The following RAC2 variants were observed in gnomAD, a reference collection of about 807,000 sequenced individuals.
RAC2 encodes the protein Rac family small GTPase 2.
A neutral mutation model predicts 24.0 loss-of-function variants in RAC2; 1 was observed. That is an observed-to-expected ratio of 0.04 (90% confidence interval 0.01 to 0.20). The LOEUF (loss-of-function observed/expected upper bound fraction) is 0.20, where lower values mean the gene tolerates loss of function less well. Among genes scored for constraint, RAC2 ranks in the 10% least tolerant of loss-of-function variants. The pLI, the probability that RAC2 is intolerant of heterozygous loss-of-function variation, is 1.00. For synonymous variants in RAC2, 114 were observed against 106.8 expected (o/e 1.07, Z -0.41); for missense variants, 130 against 259.1 (o/e 0.50, Z 3.42).
In RAC2 at chr22:37,232,932, G is replaced by A; in HGVS notation, c.108-14C>T. 1 of 1,592,978 alleles carries A rather than the reference G, an allele frequency of 6.3e-7. No homozygotes were observed. Reference sequence around the variant, plus strand: ...TAGTTGTCAAACCTGTGGGGAGCAGGCAAGGCGGAGGTAAGGTCAATCTCA... The same window carrying A: ...TAGTTGTCAAACCTGTGGGGAGCAGACAAGGCGGAGGTAAGGTCAATCTCA... On this transcript the variant is annotated splice_polypyrimidine_tract_variant and intron_variant, in intron 2 of 6. Coordinates refer to ENST00000249071, the MANE Select transcript of RAC2 (RefSeq NM_002872.5).
Position 37,226,738 on chromosome 22 carries a change from C to A in RAC2, c.514G>T (p.Ala172Ser). ...TGAGGGCACAGCACGGCCCGGATGG[C>A]CTCGTCGAACACGGTTTTCAGGCCT... ...QRGLKTVFDEAIRAVLCPQPT... is the reference protein window; with the variant it reads ...QRGLKTVFDESIRAVLCPQPT... The change falls in exon 6 of 7, where the codon GCC becomes TCC. Residue 172 changes from alanine (A) to serine (S), a missense_variant. Physicochemically the swap from Ala to Ser is moderately conservative, Grantham distance 99. Transcript: ENST00000249071. 3.7e-6 allele frequency: 6 copies of A among 1,613,156 alleles called. No homozygotes were observed. The highest frequency in any genetic ancestry group is 4.2e-6 in the Non-Finnish European group (5 of 1,179,586).
intron 5 of RAC2, among the ~76,000 whole-genome samples, chr22:37,228,283 C>T (rs1469265007): frequency 6.6e-6 from 1 of 152,232 alleles, no homozygotes; most frequent in Non-Finnish European, 1.5e-5. Context: ...GAGGCCCAGC[C>T]TTCTCCCACA....
intron 2 of RAC2, among the ~76,000 whole-genome samples, chr22:37,238,682 CG>C (rs1438429291): frequency 6.6e-6 from 1 of 152,230 alleles, no homozygotes; most frequent in Admixed American, 6.5e-5. Context: ...ACACCTAGCA[CG>C]GGGCCATCCA....
At chr22:37,243,066 A>G (rs1466862036) in intron 1 of RAC2, among the ~76,000 whole-genome samples, 2 of 152,168 alleles carry the variant, frequency 1.3e-5, no homozygotes, top group African/African-American at 2.4e-5. Context: ...TGGCACCATT[A>G]TAGCTCACTG....
chr22:37,237,938 C>T (rs553236379), intron 2 of RAC2, among the ~76,000 whole-genome samples: 274 of 151,232 alleles, frequency 1.8e-3, no homozygotes, highest in African/African-American at 6.4e-3. Flanking sequence ...AGGTTGGAGA[C>T]GGGGGGCTGC....
chr22:37,243,933 C>G (rs1353114438), intron 1 of RAC2, among the ~76,000 whole-genome samples, 181 bp downstream of exon 1: 1 of 152,060 alleles, frequency 6.6e-6, no homozygotes, highest in Non-Finnish European at 1.5e-5. Flanking sequence ...GAGGGTGAAG[C>G]TCCCCTCAGC....
chr22:37,234,157 A>G (rs1307001332), intron 2 of RAC2, among the ~76,000 whole-genome samples: 1 of 152,356 alleles, frequency 6.6e-6, no homozygotes, highest in East Asian at 1.9e-4. Context: ...CAAGGAGTAC[A>G]TGCCTGATCC....
chr22:37,236,542 C>T (rs1004873982), intron 2 of RAC2, among the ~76,000 whole-genome samples: 19 of 152,228 alleles, frequency 1.2e-4, no homozygotes, highest in African/African-American at 4.3e-4. Context: ...TGGTAAGCAT[C>T]GCTGCTATTT....
chr22:37,229,522 T>A (rs1383797600), intron 5 of RAC2, among the ~76,000 whole-genome samples: 1 of 152,204 alleles, frequency 6.6e-6, no homozygotes, highest in Non-Finnish European at 1.5e-5. Flanking sequence ...CCACATCAGC[T>A]GTGATTATCA....
intron 1 of RAC2, among the ~76,000 whole-genome samples, chr22:37,242,563 C>T (rs940901748): frequency 5.9e-5 from 9 of 152,192 alleles, no homozygotes; most frequent in Non-Finnish European, 1.2e-4. Context: ...GGTTTTGTCA[C>T]TTCCTGCTCA....
At chr22:37,227,527 C>T (rs182959362) in intron 5 of RAC2, among the ~76,000 whole-genome samples, 9 of 88,716 alleles carry the variant, frequency 1.0e-4, no homozygotes, top group South Asian at 3.8e-4. Context: ...ACCCCTCCCA[C>T]GCCATACACC....
intron 2 of RAC2, among the ~76,000 whole-genome samples, chr22:37,237,399 G>A (rs1167958626): frequency 6.6e-6 from 1 of 152,112 alleles, no homozygotes; most frequent in Non-Finnish European, 1.5e-5. Context: ...AGGTGGAGCA[G>A]GAGGGAACAG....
chr22:37,239,388 A>G (rs4821614), intron 2 of RAC2, among the ~76,000 whole-genome samples: 62,428 of 152,064 alleles, frequency 0.41, 13,239 homozygotes, highest in African/African-American at 0.51. Flanking sequence ...CCACACGCAT[A>G]GAGCTGGCCC....
Position 37,244,257 on chromosome 22 carries a change from G to A in RAC2, c.-109C>T, listed in dbSNP as rs1927497969. ...GAGGCGCCTGCTGAGGAGCAGCGGT[G>A]GTGGGGCAGGAGGAAACGGAAGGGG... On this transcript the variant is annotated 5_prime_UTR_variant, in exon 1 of 7. Transcript: ENST00000249071. 3.9e-6 allele frequency: 5 copies of A among 1,265,882 alleles called. No homozygotes were observed. The highest frequency in any genetic ancestry group is 5.6e-6 in the Non-Finnish European group (5 of 888,028). The allele number at this position is 1,265,882 out of a possible 1,614,324, so 78.4% of individuals were successfully genotyped here.
rs577739507 is a variant in RAC2 at position 37,239,364 on chromosome 22, A to C, written c.107+2223T>G. ...CCCTTCTGAGCATGGGGCCCTGTGC[A>C]ATTGGATAGGTGGCCACACGCATAG... On this transcript the variant is annotated intron_variant, in intron 2 of 6. Coordinates refer to ENST00000249071, the MANE Select transcript of RAC2 (RefSeq NM_002872.5). Among the ~76,000 whole-genome samples the C allele has an allele frequency of 3.9e-5, 6 of 152,352 alleles. No individual in the cohort carries two copies. The South Asian group carries it at 1.0e-3, about 26-fold the overall frequency.
In RAC2 at chr22:37,226,717, G is replaced by T; in HGVS notation, c.535C>A (p.Pro179Thr). ...FDEAIRAVLC[P>T]QPTRQQKRAC... ...CGCTTCTGCTGCCGCGTGGGCTGAG[G>T]GCACAGCACGGCCCGGATGGCCTCG... The change falls in exon 6 of 7, where the codon CCT becomes ACT. Residue 179 changes from proline to threonine, a missense_variant. Pro to Thr is a conservative substitution (Grantham distance 38). Coordinates refer to ENST00000249071, the MANE Select transcript of RAC2 (RefSeq NM_002872.5). 1 of 1,613,122 alleles carries T rather than the reference G, an allele frequency of 6.2e-7. No homozygotes were observed.
intron 2 of RAC2, among the ~76,000 whole-genome samples, chr22:37,233,822 G>A (rs1311028173): frequency 2.6e-5 from 4 of 151,548 alleles, no homozygotes; most frequent in African/African-American, 7.3e-5. Flanking sequence ...GAGACAGAAC[G>A]GACCGTGCTC....
At chr22:37,229,199 G>T (rs1217998409) in intron 5 of RAC2, among the ~76,000 whole-genome samples, 1 of 152,132 alleles carries the variant, frequency 6.6e-6, no homozygotes, top group African/African-American at 2.4e-5. Context: ...CCCCCTCTCC[G>T]GGCCTCAGTC....
chr22:37,228,809 C>A (rs1026507535), intron 5 of RAC2, among the ~76,000 whole-genome samples: 1 of 152,194 alleles, frequency 6.6e-6, no homozygotes, highest in Non-Finnish European at 1.5e-5. Flanking sequence ...AAGGGTGGGG[C>A]AGGGACGAGG....
Sources: allele counts gnomAD v4.1 joint callset (sites outside exome capture counted in the v4.1 genomes callset), GRCh38; gene constraint gnomAD v4.1.1; transcripts MANE v1.5; gene names NCBI Gene and HGNC (gene_info 2026-07-23, HGNC 2026-07-21).